LAMA2: variants seen among roughly 807,000 people sequenced by gnomAD.
The protein encoded by LAMA2 is laminin subunit alpha 2, also known as laminin subunit alpha-2.
In LAMA2, 269 loss-of-function variants were observed where a neutral mutation model predicts 364.8. The observed-to-expected ratio is 0.74, with a 90% CI of 0.67 to 0.82. LAMA2 has a LOEUF of 0.82. Among genes scored for constraint, LAMA2 ranks in the 40% least tolerant of loss-of-function variants. LAMA2 has a pLI of 0.00. For synonymous variants in LAMA2, 1,379 were observed against 1,370.6 expected (o/e 1.01, Z -0.14); for missense variants, 3,807 against 3,873.2 (o/e 0.98, Z 0.45).
chr6:129,441,072 G>A, intron 43 of LAMA2, 74 bp downstream of exon 43: 1 of 1,331,448 alleles, frequency 7.5e-7, no homozygotes, highest in South Asian at 1.2e-5. Flanking sequence ...ACCTGTAAAT[G>A]CTCGAGTTGG....
At chr6:128,943,771 A>G (rs1780326367) in intron 1 of LAMA2, among the ~76,000 whole-genome samples, 1 of 152,240 alleles carries the variant, frequency 6.6e-6, no homozygotes, top group Non-Finnish European at 1.5e-5. Flanking sequence ...TGAAGAAGAC[A>G]AGAAAAATGT....
At chr6:129,055,078 A>G (rs555655415) in intron 2 of LAMA2, among the ~76,000 whole-genome samples, 102 of 151,318 alleles carry the variant, frequency 6.7e-4, no homozygotes, top group African/African-American at 2.4e-3. Flanking sequence ...TCAGTAAAGC[A>G]AGGTGTATAT....
At chr6:129,146,584 A>G (rs3778140) in intron 5 of LAMA2, among the ~76,000 whole-genome samples, 22,975 of 151,936 alleles carry the variant, frequency 0.15, 3,583 homozygotes, top group African/African-American at 0.4. Context: ...TGCAGTTGCT[A>G]TAATCACAAT....
chr6:129,063,413 G>A (rs1789071659), intron 3 of LAMA2, among the ~76,000 whole-genome samples: 1 of 152,052 alleles, frequency 6.6e-6, no homozygotes, highest in African/African-American at 2.4e-5. Flanking sequence ...ATGTCATTAT[G>A]TCTGATTTTA....
At chr6:129,005,086 A>T (rs1412676972) in intron 1 of LAMA2, among the ~76,000 whole-genome samples, 1 of 152,084 alleles carries the variant, frequency 6.6e-6, no homozygotes, top group Non-Finnish European at 1.5e-5. Context: ...AATGTGTTTT[A>T]TTTTAAATAA....
intron 7 of LAMA2, among the ~76,000 whole-genome samples, chr6:129,151,646 G>C (rs1778801730): frequency 6.6e-6 from 1 of 152,148 alleles, no homozygotes; most frequent in Non-Finnish European, 1.5e-5. Flanking sequence ...ATGATCAAAG[G>C]GGAAGAGGGA....
intron 12 of LAMA2, among the ~76,000 whole-genome samples, chr6:129,228,314 C>T (rs1784458802): frequency 2.0e-5 from 3 of 152,122 alleles, no homozygotes; most frequent in Non-Finnish European, 4.4e-5. Flanking sequence ...TTGGCTGACA[C>T]TTGATGGGCT....
At chr6:129,342,628 A>G (rs1776332759) in intron 30 of LAMA2, among the ~76,000 whole-genome samples, 161 bp downstream of exon 30, 1 of 152,166 alleles carries the variant, frequency 6.6e-6, no homozygotes, top group African/African-American at 2.4e-5. Flanking sequence ...TGAGTATATA[A>G]TGCTCTATGG....
At position 129,064,307 on chromosome 6, in the gene LAMA2, A is replaced by G. The variant is rs73596761; in HGVS notation, c.396+4411A>G. ...AGAAAGGCTATAGTAATAAATACCTACGTCAAAAAGAAGAAAGATCTAAAA... is the reference window on the plus strand; with the variant it reads ...AGAAAGGCTATAGTAATAAATACCTGCGTCAAAAAGAAGAAAGATCTAAAA... On this transcript the variant is annotated intron_variant, in intron 3 of 64. Transcript: ENST00000421865. Among the ~76,000 whole-genome samples the G allele has an allele frequency of 1.1e-3, 173 of 151,772 alleles. 1 individual carries two copies. The highest frequency in any genetic ancestry group is 4.1e-3 in the African/African-American group (172 of 41,468).
At chr6:129,377,647 G>T (rs193061115) in intron 34 of LAMA2, among the ~76,000 whole-genome samples, 15 of 152,246 alleles carry the variant, frequency 9.9e-5, no homozygotes, top group African/African-American at 3.6e-4. Flanking sequence ...GATTTGATCT[G>T]AAATCTAATT....
intron 8 of LAMA2, among the ~76,000 whole-genome samples, chr6:129,164,722 C>T (rs536263171): frequency 3.9e-5 from 6 of 152,238 alleles, no homozygotes; most frequent in African/African-American, 1.2e-4. Context: ...CAGTTTCCAG[C>T]GGTTGCTTTC....
intron 3 of LAMA2, among the ~76,000 whole-genome samples, chr6:129,061,036 C>A (rs1788879930): frequency 6.6e-6 from 1 of 152,150 alleles, no homozygotes; most frequent in South Asian, 2.1e-4. Flanking sequence ...CTCAGGAAGT[C>A]TCAGAGCACT....
chr6:129,365,726 A>G (rs1583583155), intron 32 of LAMA2, among the ~76,000 whole-genome samples: 2 of 151,294 alleles, frequency 1.3e-5, no homozygotes, highest in African/African-American at 4.8e-5. Flanking sequence ...AAATTTATAT[A>G]CTTTTTGAAT....
At chr6:128,996,618 A>G (rs911032957) in intron 1 of LAMA2, among the ~76,000 whole-genome samples, 5 of 152,252 alleles carry the variant, frequency 3.3e-5, no homozygotes, top group Admixed American at 2.0e-4. Flanking sequence ...TTAAAATGTC[A>G]GGAAACAACA....
At chr6:129,161,353 C>T (rs1779428797) in intron 8 of LAMA2, among the ~76,000 whole-genome samples, 1 of 152,014 alleles carries the variant, frequency 6.6e-6, no homozygotes, top group South Asian at 2.1e-4. Context: ...TGTTTAGTCC[C>T]TAAATTTAAT....
intron 28 of LAMA2, among the ~76,000 whole-genome samples, chr6:129,323,457 T>C (rs1775086503): frequency 1.3e-5 from 2 of 152,194 alleles, no homozygotes; most frequent in Admixed American, 1.3e-4. Flanking sequence ...CCTGCACTGT[T>C]ATGACAGTGC....
At chr6:128,952,161 T>A (rs189272661) in intron 1 of LAMA2, among the ~76,000 whole-genome samples, 10 of 152,252 alleles carry the variant, frequency 6.6e-5, no homozygotes, top group Admixed American at 6.5e-4. Context: ...AGCAAGACCC[T>A]GTCTTGAAAA....
chr6:128,937,423 T>G (rs764221004), intron 1 of LAMA2, among the ~76,000 whole-genome samples: 1 of 151,628 alleles, frequency 6.6e-6, no homozygotes, highest in Non-Finnish European at 1.5e-5. Context: ...TCTTGAACTT[T>G]TCTTTATTGG....
intron 4 of LAMA2, among the ~76,000 whole-genome samples, chr6:129,119,704 C>T (rs568792032): frequency 9.9e-5 from 15 of 152,224 alleles, no homozygotes; most frequent in African/African-American, 2.4e-4. Context: ...CCCGCCACCA[C>T]GCCTGGCTAA....
Sources: gnomAD v4.1 joint callset for allele counts (sites outside exome capture counted in the v4.1 genomes callset) on GRCh38, gnomAD v4.1.1 for gene constraint, MANE v1.5 for transcripts, NCBI Gene and HGNC (gene_info 2026-07-23, HGNC 2026-07-21) for gene names.